Variants in C10orf90 observed in about 807,000 individuals in gnomAD.
C10orf90 encodes the protein chromosome 10 open reading frame 90.
Under a neutral mutation model 62.5 loss-of-function variants are expected in C10orf90, and 56 were observed. The ratio of observed to expected loss-of-function variants is 0.90; its 90% CI spans 0.72 to 1.12. The LOEUF is 1.12. Among genes scored for constraint, C10orf90 ranks in the 50% most tolerant of loss-of-function variants. The pLI is 0.00. For synonymous variants in C10orf90, 386 were observed against 340.4 expected, an observed-to-expected ratio of 1.13 and a Z score of -1.47; for missense variants, 970 against 880.4, an observed-to-expected ratio of 1.10 and a Z score of -1.29.
At chr10:126,649,816 A>C (rs373331646) in intron 1 of C10orf90, among the ~76,000 whole-genome samples, 5 of 152,296 alleles carry the variant, frequency 3.3e-5, no homozygotes, top group East Asian at 3.9e-4. Flanking sequence ...TGAGACCCAG[A>C]GGTTGCTGGG....
intron 4 of C10orf90, among the ~76,000 whole-genome samples, chr10:126,503,437 C>T (rs975756245): frequency 1.3e-5 from 2 of 152,160 alleles, no homozygotes; most frequent in Non-Finnish European, 2.9e-5. Flanking sequence ...TTATTATACA[C>T]GCACACACGC....
At chr10:126,483,376 A>G (rs926279757) in intron 4 of C10orf90, among the ~76,000 whole-genome samples, 1 of 152,194 alleles carries the variant, frequency 6.6e-6, no homozygotes, top group Non-Finnish European at 1.5e-5. Context: ...AAGTTTTATA[A>G]TGTAATTAAG....
intron 2 of C10orf90, among the ~76,000 whole-genome samples, chr10:126,605,685 A>G (rs1161823178): frequency 6.6e-6 from 1 of 151,900 alleles, no homozygotes; most frequent in Non-Finnish European, 1.5e-5. Context: ...GCACTGAGAG[A>G]TGGAGCCTGC....
intron 5 of C10orf90, among the ~76,000 whole-genome samples, chr10:126,464,428 C>T (rs1468647784): frequency 6.6e-6 from 1 of 152,144 alleles, no homozygotes; most frequent in Non-Finnish European, 1.5e-5. Context: ...CTGCTGTGCA[C>T]CTGGGTGTGG....
At chr10:126,636,126 C>T (rs1845945906) in intron 2 of C10orf90, among the ~76,000 whole-genome samples, 1 of 152,166 alleles carries the variant, frequency 6.6e-6, no homozygotes, top group Non-Finnish European at 1.5e-5. Flanking sequence ...AGAAGCCAGA[C>T]CTTACCTGTC....
chr10:126,474,403 C>T (rs1334379771), intron 4 of C10orf90, among the ~76,000 whole-genome samples: 1 of 152,142 alleles, frequency 6.6e-6, no homozygotes, highest in African/African-American at 2.4e-5. Context: ...AGAAAGAGAA[C>T]AAGAATAAGA....
In C10orf90 at chr10:126,471,550, A is replaced by G. The variant is rs117067916; in HGVS notation, c.1535-6564T>C. On this transcript the variant is annotated intron_variant, in intron 4 of 9. Transcript: ENST00000488181. ...AGGGAGAAACATAGTTAAGATGTCA[A>G]TAGGGTGTTAGGATACTATTATGCA... Among the ~76,000 whole-genome samples, 1,145 of 152,326 alleles carry G rather than the reference A, an allele frequency of 7.5e-3. 32 individuals are homozygous for G. Among genetic ancestry groups the G allele is most frequent in the Admixed American group, 0.059 (900 of 15,304 alleles).
At chr10:126,494,976 A>T (rs1861963549) in intron 4 of C10orf90, among the ~76,000 whole-genome samples, 1 of 152,204 alleles carries the variant, frequency 6.6e-6, no homozygotes, top group African/African-American at 2.4e-5. Flanking sequence ...TACACTGTAG[A>T]ATGGACCTGC....
chr10:126,541,196 C>G (rs1255661122), intron 2 of C10orf90, among the ~76,000 whole-genome samples: 2 of 151,914 alleles, frequency 1.3e-5, no homozygotes, highest in African/African-American at 4.8e-5. Context: ...ATAAAAGTAA[C>G]TCCTATGATT....
At chr10:126,622,141 G>A (rs531293121) in intron 2 of C10orf90, among the ~76,000 whole-genome samples, 16 of 152,270 alleles carry the variant, frequency 1.1e-4, no homozygotes, top group South Asian at 2.1e-4. Context: ...TATCTGGTTC[G>A]TTCTTATGCG....
chr10:126,463,736 A>T (rs1860131685), intron 5 of C10orf90, among the ~76,000 whole-genome samples: 1 of 152,228 alleles, frequency 6.6e-6, no homozygotes, highest in African/African-American at 2.4e-5. Context: ...ATGCCTCTGC[A>T]CAGTCCCTCC....
At chr10:126,492,460 G>A (rs1236159039) in intron 4 of C10orf90, among the ~76,000 whole-genome samples, 2 of 152,070 alleles carry the variant, frequency 1.3e-5, no homozygotes, top group African/African-American at 4.8e-5. Context: ...TGTATGCATG[G>A]GAATGCTTTC....
intron 7 of C10orf90, among the ~76,000 whole-genome samples, chr10:126,441,472 C>T (rs546239642): frequency 2.0e-5 from 3 of 152,148 alleles, no homozygotes; most frequent in East Asian, 1.9e-4. Flanking sequence ...GGGGAATAAT[C>T]GAGGAAAACT....
intron 5 of C10orf90, chr10:126,463,525 C>T (rs576765744): frequency 1.8e-4 from 27 of 152,878 alleles, no homozygotes; most frequent in East Asian, 1.7e-3. Context: ...TGCAGACTCA[C>T]GCCAGCCACT....
intron 3 of C10orf90, among the ~76,000 whole-genome samples, chr10:126,506,810 C>T (rs1046118115): frequency 6.7e-6 from 1 of 148,910 alleles, no homozygotes; most frequent in Admixed American, 6.7e-5. Context: ...AGCACAGTAG[C>T]ATTTTTATTT....
At chr10:126,555,997 C>T (rs1368494372) in intron 2 of C10orf90, among the ~76,000 whole-genome samples, 1 of 152,158 alleles carries the variant, frequency 6.6e-6, no homozygotes, top group African/African-American at 2.4e-5. Flanking sequence ...TTGGTGAACA[C>T]CTGTGAATTT....
chr10:126,470,710 A>G (rs574075732), intron 4 of C10orf90, among the ~76,000 whole-genome samples: 1 of 151,666 alleles, frequency 6.6e-6, no homozygotes, highest in South Asian at 2.1e-4. Context: ...TGATGGCACC[A>G]CTTCACTCCA....
At chr10:126,459,605 G>C (rs1450530973) in intron 6 of C10orf90, among the ~76,000 whole-genome samples, 3 of 152,228 alleles carry the variant, frequency 2.0e-5, no homozygotes, top group African/African-American at 7.2e-5. Context: ...AGGGCATGGA[G>C]GTGCTGAGTC....
chr10:126,438,419 CA>C (rs1858064278), intron 7 of C10orf90, among the ~76,000 whole-genome samples: 1 of 151,874 alleles, frequency 6.6e-6, no homozygotes, highest in African/African-American at 2.4e-5. Context: ...TTTCAAGGTC[CA>C]AAAGGAAATT....
Sources: allele counts gnomAD v4.1 joint callset (sites outside exome capture counted in the v4.1 genomes callset), GRCh38; gene constraint gnomAD v4.1.1; transcripts MANE v1.5; gene names NCBI Gene and HGNC (gene_info 2026-07-23, HGNC 2026-07-21).